PSD3: variants seen among roughly 807,000 people sequenced by gnomAD.
The protein encoded by PSD3 is PH and SEC7 domain-containing protein 3.
A neutral mutation model predicts 105.5 loss-of-function variants in PSD3; 49 were observed. That is an observed-to-expected ratio of 0.46 (90% CI 0.37 to 0.59). PSD3 has a LOEUF of 0.59. Ranked by LOEUF, PSD3 falls within the 20% of genes least tolerant of loss-of-function variation. The pLI, the probability that PSD3 is intolerant of heterozygous loss-of-function variation, is 0.00. For missense variants in PSD3, 1,561 were observed against 1,263.8 expected, an observed-to-expected ratio of 1.24 and a Z score of -3.57; for synonymous variants, 557 against 457.8, an observed-to-expected ratio of 1.22 and a Z score of -2.77.
intron 9 of PSD3, among the ~76,000 whole-genome samples, chr8:18,723,600 C>T (rs984009410): frequency 6.6e-6 from 1 of 152,156 alleles, no homozygotes; most frequent in Non-Finnish European, 1.5e-5. Flanking sequence ...AACCCTGTTC[C>T]TTCTGTATCT....
chr8:18,567,550 A>T (rs950440096), intron 14 of PSD3, among the ~76,000 whole-genome samples: 1 of 152,186 alleles, frequency 6.6e-6, no homozygotes, highest in Admixed American at 6.5e-5. Flanking sequence ...GTCCTGCAAG[A>T]ACTGTACAGT....
intron 1 of PSD3, among the ~76,000 whole-genome samples, chr8:19,045,745 G>C (rs549258647): frequency 2.0e-5 from 3 of 152,352 alleles, no homozygotes; most frequent in Non-Finnish European, 2.9e-5. Context: ...AAACCAGCTA[G>C]TGTTGGGAGG....
At chr8:18,746,555 C>T in intron 9 of PSD3, among the ~76,000 whole-genome samples, 1 of 152,092 alleles carries the variant, frequency 6.6e-6, no homozygotes, top group East Asian at 1.9e-4. Context: ...GCGAAGTGAC[C>T]AAGAAGAAAA....
chr8:19,076,619 A>C (rs1829469930), intron 1 of PSD3, among the ~76,000 whole-genome samples: 1 of 152,248 alleles, frequency 6.6e-6, no homozygotes, highest in African/African-American at 2.4e-5. Context: ...ATGATGTTTA[A>C]AGAAACAGAA....
intron 1 of PSD3, among the ~76,000 whole-genome samples, chr8:19,011,900 CACAA>C (rs2129475392): frequency 6.6e-6 from 1 of 152,282 alleles, no homozygotes; most frequent in East Asian, 1.9e-4. Flanking sequence ...TCACAGAACA[CACAA>C]ACAGATATTT....
At chr8:18,752,505 TA>T (rs1805594494) in intron 9 of PSD3, among the ~76,000 whole-genome samples, 1 of 74,046 alleles carries the variant, frequency 1.4e-5, no homozygotes, top group Non-Finnish European at 2.3e-5. Flanking sequence ...ATATATAATA[TA>T]TATAATATAT....
rs1481838549 is a variant in PSD3 at position 18,871,779 on chromosome 8, T to C, written c.1085A>G (p.Asp362Gly). 1 of 1,614,048 alleles carries C rather than the reference T, an allele frequency of 6.2e-7. No individual in the cohort carries two copies. Among genetic ancestry groups the C allele is most frequent in the Non-Finnish European group, 8.5e-7 (1 of 1,180,044 alleles). Residue 362 changes from aspartate (D) to glycine (G), a missense_variant, in exon 3 of 16, where the codon GAT (aspartate) becomes GGT (glycine). Coordinates refer to ENST00000327040, the MANE Select transcript of PSD3 (RefSeq NM_015310.4). ...CTCTGAAGGAGCTTTCCAGGATTCA[T>C]CCCAAACATTCTCAGTTAAACTACT... is the stretch of plus-strand genomic sequence containing the variant. ...NSSSLTENVW[D>G]ESWKAPSERP...
At chr8:18,713,108 T>A (rs544154781) in intron 9 of PSD3, among the ~76,000 whole-genome samples, 139 of 152,168 alleles carry the variant, frequency 9.1e-4, no homozygotes, top group African/African-American at 3.1e-3. Flanking sequence ...AAATTCTGAA[T>A]AAACTAGGTA....
At chr8:18,652,135 A>G (rs550866085) in intron 10 of PSD3, among the ~76,000 whole-genome samples, 2 of 152,310 alleles carry the variant, frequency 1.3e-5, no homozygotes, top group East Asian at 3.9e-4. Flanking sequence ...TCATTAATAG[A>G]AATGGAGCAC....
At chr8:18,628,326 G>C (rs1480845915) in intron 11 of PSD3, among the ~76,000 whole-genome samples, 1 of 151,924 alleles carries the variant, frequency 6.6e-6, no homozygotes, top group African/African-American at 2.4e-5. Flanking sequence ...AATCTTGAAA[G>C]CATTCATAGT....
At position 19,051,257 on chromosome 8, in the gene PSD3, C is replaced by T. The variant is rs535276509; in HGVS notation, c.324+32949G>A. Among the ~76,000 whole-genome samples the T allele has an allele frequency of 4.4e-4, 53 of 121,138 alleles. No individual in the cohort carries two copies. In the South Asian group the frequency reaches 0.013, roughly 30 times the overall value. 79.5% of individuals were successfully genotyped at this position (121,138 alleles called of 152,430 possible). A position where few individuals can be genotyped will look rare whatever the true frequency, so the allele number is the denominator to read the frequency against. On this transcript the variant is annotated intron_variant, in intron 1 of 1. Transcript: ENST00000521475. ...CATCTTTGCCTCGATAACCAGCGCT[C>T]GTCCTTCAGTTCTCAGTTTCAGTTC... is the stretch of plus-strand genomic sequence containing the variant.
At chr8:18,935,027 T>C (rs552742473) in intron 2 of PSD3, among the ~76,000 whole-genome samples, 9 of 152,302 alleles carry the variant, frequency 5.9e-5, no homozygotes, top group Non-Finnish European at 1.2e-4. Flanking sequence ...GTGTGAGTGA[T>C]TGTGACTGGG....
At chr8:18,771,438 C>T (rs893517487) in intron 8 of PSD3, among the ~76,000 whole-genome samples, 1 of 152,186 alleles carries the variant, frequency 6.6e-6, no homozygotes, top group Non-Finnish European at 1.5e-5. Flanking sequence ...CCTAATCCAA[C>T]ATCACAAAGA....
At chr8:18,967,731 A>G (rs2129471692) in intron 1 of PSD3, among the ~76,000 whole-genome samples, 1 of 152,304 alleles carries the variant, frequency 6.6e-6, no homozygotes, top group Non-Finnish European at 1.5e-5. Context: ...ATATTTACTA[A>G]AAATATCTAC....
At chr8:18,769,662 G>A (rs1807327367) in intron 8 of PSD3, among the ~76,000 whole-genome samples, 1 of 152,092 alleles carries the variant, frequency 6.6e-6, no homozygotes, top group Non-Finnish European at 1.5e-5. Context: ...GGACCACCTG[G>A]CAAGCACAAA....
At chr8:19,013,210 G>T (rs528375682) in intron 1 of PSD3, among the ~76,000 whole-genome samples, 1 of 151,748 alleles carries the variant, frequency 6.6e-6, no homozygotes, top group South Asian at 2.1e-4. Flanking sequence ...TGACAGAAAC[G>T]TGATAGTCCC....
chr8:18,894,227 G>A (rs1235139287), intron 2 of PSD3, among the ~76,000 whole-genome samples: 2 of 152,142 alleles, frequency 1.3e-5, no homozygotes, highest in African/African-American at 4.8e-5. Context: ...CCAGGCTTTT[G>A]TACAATTAAT....
At chr8:18,835,111 A>C (rs1813998185) in intron 4 of PSD3, among the ~76,000 whole-genome samples, 1 of 152,190 alleles carries the variant, frequency 6.6e-6, no homozygotes, top group Non-Finnish European at 1.5e-5. Context: ...TCATACATTA[A>C]AGGCAGAAGT....
chr8:18,621,899 A>G (rs931008029), intron 11 of PSD3, among the ~76,000 whole-genome samples: 2 of 152,230 alleles, frequency 1.3e-5, no homozygotes, highest in Admixed American at 6.5e-5. Context: ...ACACGATAGC[A>G]AAGAATTCTG....
Sources: allele counts gnomAD v4.1 joint callset (sites outside exome capture counted in the v4.1 genomes callset), GRCh38; gene constraint gnomAD v4.1.1; transcripts MANE v1.5; gene names NCBI Gene and HGNC (gene_info 2026-07-23, HGNC 2026-07-21).